MANBA: variants seen among roughly 807,000 people sequenced by gnomAD.
The protein encoded by MANBA is mannosidase beta, also known as beta-mannosidase.
A neutral mutation model predicts 111.1 loss-of-function variants in MANBA; 83 were observed. The observed-to-expected ratio is 0.75, with a 90% CI of 0.63 to 0.90. The LOEUF (loss-of-function observed/expected upper bound fraction) is 0.90. MANBA is among the 40% of genes least tolerant of loss of function. The pLI, the probability that MANBA is intolerant of heterozygous loss-of-function variation, is 0.00. For missense variants in MANBA, 1,036 were observed against 1,069.0 expected (o/e 0.97, Z 0.43); for synonymous variants, 370 against 378.7 (o/e 0.98, Z 0.27).
In MANBA at chr4:102,760,753, C is replaced by G. The variant is rs1469472083; in HGVS notation, c.142G>C (p.Val48Leu). The G allele has an allele frequency of 1.9e-6, 3 of 1,547,936 alleles. No individual in the cohort carries two copies. The highest frequency in any genetic ancestry group is 2.6e-6 in the Non-Finnish European group (3 of 1,146,038). Residue 48 changes from valine to leucine, a missense_variant, in exon 1 of 17, where the codon GTG becomes CTG. By Grantham distance (32) the Val-to-Leu change is conservative. Transcript: ENST00000647097. ...CCCTGCTGGAACAAGGCGCTGTGCA[C>G]GCAGCCAGGGACCGCCCCGGGCAGC... ...LELPGAVPGC[V>L]HSALFQQGLI...
intron 1 of MANBA, chr4:102,729,876 T>C (rs1722964801): frequency 4.6e-6 from 7 of 1,531,294 alleles, no homozygotes; most frequent in Admixed American, 3.3e-5. Flanking sequence ...AAACTTGTTG[T>C]TGAGGGTCTT....
rs1206702595 is a variant in MANBA at position 102,728,965 on chromosome 4, G to T, written c.178-2282C>A. 20 of 820,824 alleles carry T rather than the reference G, an allele frequency of 2.4e-5. No individual in the cohort carries two copies. The East Asian group carries it at 4.8e-4, about 20-fold the overall frequency. 50.8% of individuals were successfully genotyped at this position (820,824 alleles called of 1,614,324 possible). A position where few individuals can be genotyped will look rare whatever the true frequency, so the allele number is the denominator to read the frequency against. ...GGATACTCATGTTCTGCATCCCAGA[G>T]TCCAGCTGGCTCTCCTCGCCCTCCA... On this transcript the variant is annotated intron_variant, in intron 1 of 16. Transcript: ENST00000647097.
At chr4:102,644,945 A>G (rs1353217181) in intron 13 of MANBA, among the ~76,000 whole-genome samples, 1 of 152,044 alleles carries the variant, frequency 6.6e-6, no homozygotes, top group Non-Finnish European at 1.5e-5. Flanking sequence ...AGTTGACCAT[A>G]AATGTATATT....
At chr4:102,723,745 T>C in intron 3 of MANBA, 117 bp downstream of exon 3, 1 of 660,314 alleles carries the variant, frequency 1.5e-6, no homozygotes, top group Non-Finnish European at 2.7e-6. Flanking sequence ...CATCCAGTGC[T>C]TTAATGAGCT....
chr4:102,658,200 G>C (rs1730660737), intron 11 of MANBA, among the ~76,000 whole-genome samples: 1 of 152,184 alleles, frequency 6.6e-6, no homozygotes, highest in African/African-American at 2.4e-5. Context: ...GTCTAGTCCA[G>C]AGTTTCTTAA....
intron 1 of MANBA, chr4:102,729,407 T>C: frequency 9.2e-7 from 1 of 1,083,678 alleles, no homozygotes; most frequent in South Asian, 1.3e-5. Context: ...ATGCTGTTCA[T>C]GCCCAGGGAG....
chr4:102,645,462 T>C (rs1031745335), intron 13 of MANBA, among the ~76,000 whole-genome samples: 1 of 152,062 alleles, frequency 6.6e-6, no homozygotes, highest in Non-Finnish European at 1.5e-5. Context: ...TAAACATTCT[T>C]AGAATTCACT....
intron 16 of MANBA, 118 bp from the exon 17 acceptor site, chr4:102,632,399 T>C: frequency 1.2e-6 from 1 of 814,190 alleles, no homozygotes; most frequent in Non-Finnish European, 2.1e-6. Context: ...CCCACAACTT[T>C]GGTTCTACAA....
intron 1 of MANBA, among the ~76,000 whole-genome samples, chr4:102,755,501 C>T (rs918241855): frequency 6.6e-6 from 1 of 152,074 alleles, no homozygotes; most frequent in African/African-American, 2.4e-5. Context: ...AATGTTAGAC[C>T]TAAAACCATA....
chr4:102,665,053 A>G, intron 10 of MANBA: 1 of 567,410 alleles, frequency 1.8e-6, no homozygotes. Context: ...ACTAGATTTT[A>G]TAAACACTGA....
chr4:102,677,147 T>A (rs1265684914), intron 7 of MANBA, among the ~76,000 whole-genome samples: 1 of 150,356 alleles, frequency 6.7e-6, no homozygotes, highest in Non-Finnish European at 1.5e-5. Flanking sequence ...CATTTTTACT[T>A]GATAGAAAGA....
chr4:102,758,614 C>T (rs936405722), intron 1 of MANBA, among the ~76,000 whole-genome samples: 6 of 150,476 alleles, frequency 4.0e-5, no homozygotes, highest in African/African-American at 1.5e-4. Context: ...CAGATCACGG[C>T]TCACTGCAGC....
chr4:102,715,791 T>C (rs1413996600), intron 4 of MANBA, among the ~76,000 whole-genome samples: 1 of 152,216 alleles, frequency 6.6e-6, no homozygotes, highest in Non-Finnish European at 1.5e-5. Flanking sequence ...ATCCAATATA[T>C]CCAATATATC....
At chr4:102,683,401 C>T (rs1432618183) in intron 7 of MANBA, among the ~76,000 whole-genome samples, 2 of 152,268 alleles carry the variant, frequency 1.3e-5, no homozygotes, top group African/African-American at 2.4e-5. Flanking sequence ...TTTAGCAAAA[C>T]GATACCTTAT....
chr4:102,729,041 A>C (rs1476474920), intron 1 of MANBA: 2 of 908,606 alleles, frequency 2.2e-6, no homozygotes, highest in East Asian at 2.5e-5. Context: ...CTTGATGTTC[A>C]TCAGTTCCTG....
Position 102,632,233 on chromosome 4 carries a change from A to G in MANBA, c.2464T>C (p.Ser822Pro), listed in dbSNP as rs1028513671. ...GDIFVFDLETSAVAPFVWLDV... is the reference protein window; with the variant it reads ...GDIFVFDLETPAVAPFVWLDV... ...AACCAAACAAAGGGAGCGACAGCTG[A>G]GGTCTCCAGGTCAAAAACAAATATG... is the stretch of plus-strand genomic sequence containing the variant. The change falls in exon 17 of 17, where the codon TCA becomes CCA. Residue 822 changes from serine (S) to proline (P), a missense_variant. Ser to Pro is a moderately conservative substitution (Grantham distance 74). Coordinates refer to ENST00000647097, the MANE Select transcript of MANBA (RefSeq NM_005908.4). The G allele has an allele frequency of 2.5e-6, 4 of 1,613,766 alleles. No homozygotes were observed. The African/African-American group carries it at 5.3e-5, about 22-fold the overall frequency.
At chr4:102,720,647 A>G (rs769090723) in intron 4 of MANBA, among the ~76,000 whole-genome samples, 1 of 152,088 alleles carries the variant, frequency 6.6e-6, no homozygotes, top group Non-Finnish European at 1.5e-5. Flanking sequence ...TACAACCTCT[A>G]GCATTTAAAC....
chr4:102,631,462 C>T lies in MANBA; in HGVS notation c.*595G>A, dbSNP rs571726081. On this transcript the variant is annotated 3_prime_UTR_variant, in exon 17 of 17. Coordinates refer to ENST00000647097, the MANE Select transcript of MANBA (RefSeq NM_005908.4). ...TGGGCAAAATTGAATATTTATAGAA[C>T]GGTTAAATAAGCCACAGATGAAATA... 23 of 301,644 alleles carry T rather than the reference C, an allele frequency of 7.6e-5. No individual in the cohort carries two copies. Among genetic ancestry groups the T allele is most frequent in the East Asian group, 1.6e-4 (3 of 18,302 alleles). 18.7% of individuals were successfully genotyped at this position (301,644 alleles called of 1,614,324 possible).
In MANBA at chr4:102,674,035, AG is replaced by A; in HGVS notation, c.995del (p.Pro332LeufsTer2). On this transcript the variant is annotated frameshift_variant, in exon 8 of 17. Transcript: ENST00000647097. LOFTEE classifies it high-confidence loss of function. ...YFRTVELIEE[P>X]IKGSPGLSFY... The stretch of plus-strand genomic sequence containing the variant: ...AACTCAAACCAGGAGACCCTTTTAT[AG>A]GCTCTTCTATAAGTTCCACTGTCCT... The A allele has an allele frequency of 6.2e-7, 1 of 1,602,728 alleles. No individual in the cohort carries two copies. Among genetic ancestry groups the A allele is most frequent in the East Asian group, 2.2e-5 (1 of 44,770 alleles).
Sources: allele counts gnomAD v4.1 joint callset (sites outside exome capture counted in the v4.1 genomes callset), GRCh38; gene constraint gnomAD v4.1.1; transcripts MANE v1.5; gene names NCBI Gene and HGNC (gene_info 2026-07-23, HGNC 2026-07-21).